CHCHD6: variants seen among roughly 807,000 people sequenced by gnomAD.
CHCHD6 encodes MICOS complex subunit MIC25.
A neutral mutation model predicts 32.3 loss-of-function variants in CHCHD6; 28 were observed. The observed-to-expected ratio is 0.87, with a 90% confidence interval of 0.64 to 1.19. CHCHD6 has a LOEUF of 1.19. CHCHD6 is among the 50% of genes most tolerant of loss of function. The probability of loss-of-function intolerance (pLI) is 0.00; values close to 1 mark genes in which losing one functional copy is unlikely to be tolerated. For missense variants in CHCHD6, 333 were observed against 307.0 expected (o/e 1.08, Z -0.63); for synonymous variants, 122 against 117.5 (o/e 1.04, Z -0.25).
chr3:126,738,433 G>A (rs1550991), intron 4 of CHCHD6, among the ~76,000 whole-genome samples: 139,309 of 152,260 alleles, frequency 0.91, 63,796 homozygotes, highest in East Asian at 0.95. Context: ...TATGAGGGAG[G>A]TGGAGGATTG....
chr3:126,863,356 A>T (rs1400728735), intron 5 of CHCHD6, among the ~76,000 whole-genome samples: 4 of 77,304 alleles, frequency 5.2e-5, no homozygotes, highest in African/African-American at 1.2e-4. Flanking sequence ...CTCCTCCTCT[A>T]CCATCACCAC....
intron 6 of CHCHD6, among the ~76,000 whole-genome samples, chr3:126,923,568 G>A (rs886299153): frequency 2.0e-4 from 30 of 152,244 alleles, no homozygotes; most frequent in Non-Finnish European, 4.3e-4. Flanking sequence ...GAACGGTACA[G>A]GGCCTTACCT....
intron 5 of CHCHD6, among the ~76,000 whole-genome samples, chr3:126,860,626 G>C (rs1168132915): frequency 6.6e-6 from 1 of 152,156 alleles, no homozygotes; most frequent in African/African-American, 2.4e-5. Flanking sequence ...ACAAGGTTAG[G>C]CTGAAGAAGG....
chr3:126,861,456 G>A (rs139170800), intron 5 of CHCHD6, among the ~76,000 whole-genome samples: 5 of 151,938 alleles, frequency 3.3e-5, no homozygotes, highest in Non-Finnish European at 7.4e-5. Context: ...TCCAGGAGGA[G>A]CTCTCAGTAA....
At chr3:126,885,329 C>T (rs1386458378) in intron 5 of CHCHD6, among the ~76,000 whole-genome samples, 3 of 152,108 alleles carry the variant, frequency 2.0e-5, no homozygotes, top group East Asian at 1.9e-4. Flanking sequence ...ATATGGAGAA[C>T]ACGATTATTT....
At chr3:126,845,835 TA>T (rs1941276988) in intron 4 of CHCHD6, among the ~76,000 whole-genome samples, 1 of 152,178 alleles carries the variant, frequency 6.6e-6, no homozygotes, top group African/African-American at 2.4e-5. Flanking sequence ...ACTGGTAGAA[TA>T]AGGGTCTCTA....
intron 4 of CHCHD6, among the ~76,000 whole-genome samples, chr3:126,752,481 G>C (rs1936767457): frequency 6.6e-6 from 1 of 152,214 alleles, no homozygotes. Flanking sequence ...GTGGGGAGAA[G>C]GCCCCTTCCC....
chr3:126,867,683 T>C (rs2107565384), intron 5 of CHCHD6, among the ~76,000 whole-genome samples: 1 of 152,326 alleles, frequency 6.6e-6, no homozygotes, highest in Admixed American at 6.5e-5. Flanking sequence ...GGCAATCTGA[T>C]ATTAGCCATT....
chr3:126,893,448 G>A (rs1005357859), intron 5 of CHCHD6, among the ~76,000 whole-genome samples: 2 of 152,192 alleles, frequency 1.3e-5, no homozygotes, highest in African/African-American at 4.8e-5. Flanking sequence ...TGCCACCGGT[G>A]CTCTGGCCTC....
intron 5 of CHCHD6, among the ~76,000 whole-genome samples, chr3:126,879,568 A>G (rs1249365830): frequency 6.6e-6 from 1 of 152,250 alleles, no homozygotes; most frequent in Non-Finnish European, 1.5e-5. Context: ...ACAAGAGGCC[A>G]GAGAAAGGCT....
At chr3:126,959,724 A>G (rs2078833083) in intron 7 of CHCHD6, among the ~76,000 whole-genome samples, 2 of 152,202 alleles carry the variant, frequency 1.3e-5, no homozygotes, top group Non-Finnish European at 2.9e-5. Context: ...AGATGAGGAC[A>G]GGGGCCTCAG....
chr3:126,884,502 T>A (rs979756024), intron 5 of CHCHD6, among the ~76,000 whole-genome samples: 4 of 152,148 alleles, frequency 2.6e-5, no homozygotes, highest in Admixed American at 2.6e-4. Flanking sequence ...TTGGAATTCA[T>A]AGGAGTTGAC....
intron 6 of CHCHD6, among the ~76,000 whole-genome samples, chr3:126,956,498 C>T (rs2107610343): frequency 6.6e-6 from 1 of 152,284 alleles, no homozygotes; most frequent in South Asian, 2.1e-4. Flanking sequence ...TGTCTGCTAC[C>T]AGAGCTGTAA....
chr3:126,886,323 C>T (rs916671767), intron 5 of CHCHD6, among the ~76,000 whole-genome samples: 1 of 152,190 alleles, frequency 6.6e-6, no homozygotes, highest in Non-Finnish European at 1.5e-5. Context: ...AAATAAACAG[C>T]TTGTAAGTTT....
At chr3:126,794,249 A>G (rs934497924) in intron 4 of CHCHD6, among the ~76,000 whole-genome samples, 4 of 150,386 alleles carry the variant, frequency 2.7e-5, no homozygotes, top group African/African-American at 9.7e-5. Flanking sequence ...TTTTCCCCCC[A>G]TATTTTTGTT....
intron 2 of CHCHD6, among the ~76,000 whole-genome samples, chr3:126,728,074 C>G (rs922092810): frequency 1.3e-5 from 2 of 152,030 alleles, no homozygotes; most frequent in African/African-American, 4.8e-5. Flanking sequence ...TGGGCCTGGT[C>G]TCGCGTTACA....
intron 1 of CHCHD6, among the ~76,000 whole-genome samples, chr3:126,709,688 A>G (rs114938750): frequency 0.012 from 1,817 of 152,304 alleles, 20 homozygotes; most frequent in Middle Eastern, 0.048. Flanking sequence ...TAGCAATTCT[A>G]GTGGCTGTGA....
intron 4 of CHCHD6, among the ~76,000 whole-genome samples, chr3:126,740,231 T>C (rs1171627301): frequency 1.3e-5 from 2 of 152,148 alleles, no homozygotes; most frequent in Non-Finnish European, 2.9e-5. Flanking sequence ...GGTCCTTCCT[T>C]GTCCCTCCTG....
chr3:126,820,070 AG>A (rs1355215239), intron 4 of CHCHD6, among the ~76,000 whole-genome samples: 4 of 152,202 alleles, frequency 2.6e-5, no homozygotes, highest in Non-Finnish European at 4.4e-5. Context: ...ATGCCTCTAG[AG>A]GCCATAACTA....
Sources: allele counts gnomAD v4.1 joint callset (sites outside exome capture counted in the v4.1 genomes callset), GRCh38; gene constraint gnomAD v4.1.1; transcripts MANE v1.5; gene names NCBI Gene and HGNC (gene_info 2026-07-23, HGNC 2026-07-21).